The following NPAS3 variants were observed in gnomAD, a reference collection of about 807,000 sequenced individuals.
The protein encoded by NPAS3 is neuronal PAS domain-containing protein 3.
A neutral mutation model predicts 73.1 loss-of-function variants in NPAS3; 14 were observed. The ratio of observed to expected loss-of-function variants is 0.19; its 90% confidence interval spans 0.13 to 0.30. The LOEUF is 0.30. Among genes scored for constraint, NPAS3 ranks in the 10% least tolerant of loss-of-function variants. NPAS3 has a pLI of 1.00. For synonymous variants in NPAS3, 620 were observed against 541.5 expected, an observed-to-expected ratio of 1.14 and a Z score of -2.01; for missense variants, 1,096 against 1,250.0, an observed-to-expected ratio of 0.88 and a Z score of 1.86.
At chr14:33,461,146 T>C (rs879344700) in intron 4 of NPAS3, among the ~76,000 whole-genome samples, 4 of 152,244 alleles carry the variant, frequency 2.6e-5, no homozygotes, top group Non-Finnish European at 5.9e-5. Flanking sequence ...GAGGCTTTAT[T>C]TAAAATAACA....
At chr14:32,942,198 C>G (rs1338140111) in intron 1 of NPAS3, among the ~76,000 whole-genome samples, 1 of 152,148 alleles carries the variant, frequency 6.6e-6, no homozygotes, top group Non-Finnish European at 1.5e-5. Context: ...ATTGATTTCA[C>G]AGAGGCATTT....
chr14:33,667,944 C>T (rs1445804801), intron 5 of NPAS3, among the ~76,000 whole-genome samples: 4 of 151,900 alleles, frequency 2.6e-5, no homozygotes, highest in African/African-American at 9.7e-5. Flanking sequence ...GGTACATGTA[C>T]AGGATGTGCA....
chr14:33,593,183 T>C (rs555337167), intron 5 of NPAS3, among the ~76,000 whole-genome samples: 2 of 152,282 alleles, frequency 1.3e-5, no homozygotes, highest in East Asian at 1.9e-4. Context: ...ACTTAACATA[T>C]ATTATTAATA....
intron 9 of NPAS3, among the ~76,000 whole-genome samples, chr14:33,785,824 A>C (rs1233177888): frequency 1.3e-5 from 2 of 152,214 alleles, no homozygotes; most frequent in Admixed American, 6.5e-5. Flanking sequence ...AGAAAATCCC[A>C]GTAAAAATGA....
At chr14:33,507,144 T>C (rs1021206841) in intron 4 of NPAS3, among the ~76,000 whole-genome samples, 2 of 152,018 alleles carry the variant, frequency 1.3e-5, no homozygotes, top group African/African-American at 4.8e-5. Context: ...GTGGAGTTTG[T>C]CACACCCCAA....
Position 33,753,358 on chromosome 14 carries a change from T to TAAAAAAAA in NPAS3, c.852+18034_852+18041dup, listed in dbSNP as rs34619014. Among the ~76,000 whole-genome samples the TAAAAAAAA allele has an allele frequency of 4.2e-4, 54 of 129,456 alleles. 1 individual carries two copies. The highest frequency in any genetic ancestry group is 1.3e-3 in the African/African-American group (46 of 35,846). 84.9% of individuals were successfully genotyped at this position (129,456 alleles called of 152,430 possible). On this transcript the variant is annotated intron_variant, in intron 7 of 11. Coordinates refer to ENST00000356141, the Ensembl canonical transcript of NPAS3. Reference sequence around the variant, plus strand: ...GCTTAAGATGATTCTGTTAAATTGATAAAAAAAAAAAAAAACGTACACTCC... The same window carrying TAAAAAAAA: ...GCTTAAGATGATTCTGTTAAATTGATAAAAAAAAAAAAAAAAAAAAAAACGTACACTCC...
chr14:33,381,320 G>T (rs2046543821), intron 4 of NPAS3, among the ~76,000 whole-genome samples: 1 of 152,120 alleles, frequency 6.6e-6, no homozygotes, highest in Non-Finnish European at 1.5e-5. Flanking sequence ...CCCAGGCCTG[G>T]TACTTTCAGT....
intron 2 of NPAS3, among the ~76,000 whole-genome samples, chr14:33,174,113 A>G (rs2045498101): frequency 6.6e-6 from 1 of 152,164 alleles, no homozygotes; most frequent in Non-Finnish European, 1.5e-5. Context: ...TTTTACAACT[A>G]ATTGATTTAA....
chr14:33,665,050 A>G (rs930768391), intron 5 of NPAS3, among the ~76,000 whole-genome samples: 3 of 152,236 alleles, frequency 2.0e-5, no homozygotes, highest in Admixed American at 1.3e-4. Flanking sequence ...ATAAAGACAC[A>G]TGCGCACACA....
chr14:33,363,261 G>A (rs556868019), intron 3 of NPAS3, among the ~76,000 whole-genome samples: 1 of 152,248 alleles, frequency 6.6e-6, no homozygotes, highest in African/African-American at 2.4e-5. Flanking sequence ...AAGAAGGGTT[G>A]CCTTTTACTG....
chr14:33,305,450 G>A (rs1016329055), intron 3 of NPAS3, among the ~76,000 whole-genome samples: 11 of 152,050 alleles, frequency 7.2e-5, no homozygotes, highest in African/African-American at 2.7e-4. Context: ...AAGAGGATGT[G>A]TGTCATTTTC....
intron 5 of NPAS3, among the ~76,000 whole-genome samples, chr14:33,653,593 T>C (rs1331613016): frequency 6.6e-6 from 1 of 152,246 alleles, no homozygotes; most frequent in Non-Finnish European, 1.5e-5. Flanking sequence ...AATGTTGGAA[T>C]TAATATGATT....
chr14:33,426,709 G>A (rs17101083), intron 4 of NPAS3, among the ~76,000 whole-genome samples: 12,436 of 152,054 alleles, frequency 0.082, 551 homozygotes, highest in South Asian at 0.15. Context: ...CCAAAGTCAC[G>A]TTTCTGTCTT....
At chr14:33,792,190 C>A (rs1267597176) in intron 9 of NPAS3, among the ~76,000 whole-genome samples, 1 of 152,152 alleles carries the variant, frequency 6.6e-6, no homozygotes, top group Non-Finnish European at 1.5e-5. Context: ...GCAGAACTTA[C>A]AATTGCCTAC....
chr14:33,682,812 T>A (rs1050734158), intron 6 of NPAS3, among the ~76,000 whole-genome samples: 6 of 152,206 alleles, frequency 3.9e-5, no homozygotes, highest in Non-Finnish European at 8.8e-5. Flanking sequence ...ACTTTTAGAA[T>A]CTTGCCTGAG....
intron 6 of NPAS3, among the ~76,000 whole-genome samples, chr14:33,712,217 C>T (rs57015021): frequency 0.026 from 3,969 of 152,224 alleles, 166 homozygotes; most frequent in African/African-American, 0.091. Context: ...GAGTCTCCCC[C>T]TTGGAGGGAT....
chr14:33,441,963 G>A (rs2049270691), intron 4 of NPAS3, among the ~76,000 whole-genome samples: 1 of 152,110 alleles, frequency 6.6e-6, no homozygotes, highest in African/African-American at 2.4e-5. Context: ...AATCACGAAA[G>A]CTACAATTTA....
intron 4 of NPAS3, among the ~76,000 whole-genome samples, chr14:33,387,641 G>C (rs1442004085): frequency 6.6e-6 from 1 of 152,082 alleles, no homozygotes; most frequent in South Asian, 2.1e-4. Context: ...GAAGGACAGA[G>C]CTGTGGAAAA....
chr14:33,356,888 T>G (rs1163290742), intron 3 of NPAS3, among the ~76,000 whole-genome samples: 1 of 152,110 alleles, frequency 6.6e-6, no homozygotes, highest in Non-Finnish European at 1.5e-5. Context: ...AAGTTAAGTG[T>G]TTTTTCCTCA....
Sources: gnomAD v4.1 joint callset for allele counts (sites outside exome capture counted in the v4.1 genomes callset) on GRCh38, gnomAD v4.1.1 for gene constraint, MANE v1.5 for transcripts, NCBI Gene and HGNC (gene_info 2026-07-23, HGNC 2026-07-21) for gene names.